Variants in FOXP2 observed in about 807,000 individuals in gnomAD.
The protein encoded by FOXP2 is forkhead box P2.
In FOXP2, 12 loss-of-function variants were observed where a neutral mutation model predicts 115.8. That is an observed-to-expected ratio of 0.10 (90% CI 0.07 to 0.17). The LOEUF (loss-of-function observed/expected upper bound fraction) is 0.17, where lower values mean the gene tolerates loss of function less well. Ranked by LOEUF, FOXP2 falls within the 10% of genes least tolerant of loss-of-function variation. The probability of loss-of-function intolerance (pLI) is 1.00; values close to 1 mark genes in which losing one functional copy is unlikely to be tolerated. For missense variants in FOXP2, 629 were observed against 843.5 expected (o/e 0.75, Z 3.15); for synonymous variants, 328 against 297.7 (o/e 1.10, Z -1.05).
chr7:114,385,514 C>T (rs908720786), intron 2 of FOXP2, among the ~76,000 whole-genome samples: 11 of 152,264 alleles, frequency 7.2e-5, no homozygotes, highest in South Asian at 2.1e-4. Context: ...AGTCGGCCCT[C>T]GGCTTCCCCA....
At chr7:114,626,154 C>T (rs1009420385) in intron 3 of FOXP2, among the ~76,000 whole-genome samples, 3 of 151,724 alleles carry the variant, frequency 2.0e-5, no homozygotes, top group Non-Finnish European at 3.0e-5. Flanking sequence ...TTGAAAGGCA[C>T]TCAAACCATT....
chr7:114,455,735 G>T (rs61433283), intron 2 of FOXP2, among the ~76,000 whole-genome samples: 1 of 152,100 alleles, frequency 6.6e-6, no homozygotes, highest in Admixed American at 6.5e-5. Flanking sequence ...CATTGCTTCA[G>T]AGTGATTCAC....
Position 114,186,947 on chromosome 7 carries a change from G to A in FOXP2, c.-102+23859G>A, listed in dbSNP as rs530165141. On this transcript the variant is annotated intron_variant, in intron 1 of 17. Transcript: ENST00000634411. ...CTTGAGGTGGCTCAGGGTAAGGAAT[G>A]CTGAGGTCCTGCAGGCTCCCTGGGT... Among the ~76,000 whole-genome samples, 6 of 152,308 alleles carry A rather than the reference G, an allele frequency of 3.9e-5. No individual in the cohort carries two copies. In the East Asian group the frequency reaches 1.2e-3, roughly 29 times the overall value.
chr7:114,401,502 T>G (rs1792886310), intron 2 of FOXP2, among the ~76,000 whole-genome samples: 2 of 152,232 alleles, frequency 1.3e-5, no homozygotes, highest in African/African-American at 4.8e-5. Flanking sequence ...CATATATTGC[T>G]TTATTTAAGT....
intron 3 of FOXP2, among the ~76,000 whole-genome samples, chr7:114,624,324 TC>T (rs1163918453): frequency 6.6e-6 from 1 of 151,932 alleles, no homozygotes; most frequent in Non-Finnish European, 1.5e-5. Flanking sequence ...AGTCAGGACT[TC>T]CTTTGTCTTC....
chr7:114,280,125 A>AAAT (rs1562851369), intron 1 of FOXP2, among the ~76,000 whole-genome samples: 4 of 147,014 alleles, frequency 2.7e-5, no homozygotes, highest in East Asian at 2.0e-4. Context: ...AATAAATAAA[A>AAAT]ACAGGTGGTT....
At chr7:114,267,161 G>A (rs1000350285) in intron 1 of FOXP2, among the ~76,000 whole-genome samples, 1 of 152,016 alleles carries the variant, frequency 6.6e-6, no homozygotes, top group Non-Finnish European at 1.5e-5. Flanking sequence ...CATGTACCCT[G>A]TAGACTTACT....
At chr7:114,363,648 T>C (rs533598524) in intron 2 of FOXP2, among the ~76,000 whole-genome samples, 7 of 152,084 alleles carry the variant, frequency 4.6e-5, no homozygotes, top group Admixed American at 6.6e-5. Context: ...AACACAACAA[T>C]TGAGTAAATT....
intron 2 of FOXP2, among the ~76,000 whole-genome samples, chr7:114,441,563 A>G (rs1794609140): frequency 6.6e-6 from 1 of 152,174 alleles, no homozygotes; most frequent in Non-Finnish European, 1.5e-5. Flanking sequence ...CAGTTTATTC[A>G]TTTTATATTC....
intron 1 of FOXP2, among the ~76,000 whole-genome samples, chr7:114,264,099 G>A (rs535589651): frequency 8.8e-4 from 134 of 152,180 alleles, no homozygotes; most frequent in African/African-American, 2.7e-3. Flanking sequence ...CAAGGTGGCT[G>A]TGAGGTCAAA....
chr7:114,207,606 CTACT>C (rs2129161016), intron 1 of FOXP2, among the ~76,000 whole-genome samples: 1 of 152,206 alleles, frequency 6.6e-6, no homozygotes, highest in African/African-American at 2.4e-5. Flanking sequence ...CCTATTGGAC[CTACT>C]TAATTTGTAA....
intron 2 of FOXP2, among the ~76,000 whole-genome samples, chr7:114,519,229 G>A (rs140224918): frequency 2.6e-5 from 4 of 152,220 alleles, no homozygotes; most frequent in African/African-American, 4.8e-5. Flanking sequence ...GTCTAATTTG[G>A]TGTTGGCAGG....
At chr7:114,385,988 C>T (rs1792439537) in intron 2 of FOXP2, among the ~76,000 whole-genome samples, 1 of 152,198 alleles carries the variant, frequency 6.6e-6, no homozygotes, top group Non-Finnish European at 1.5e-5. Context: ...ACCATGGAAC[C>T]CAGTGACTAG....
intron 6 of FOXP2, among the ~76,000 whole-genome samples, chr7:114,634,455 TTCCTC>T (rs1172889153): frequency 7.2e-5 from 11 of 152,042 alleles, no homozygotes; most frequent in Non-Finnish European, 1.5e-4. Context: ...TTTATCTACA[TTCCTC>T]TCTAAAGTTT....
chr7:114,638,365 C>T (rs1805338954), intron 6 of FOXP2, among the ~76,000 whole-genome samples: 1 of 152,102 alleles, frequency 6.6e-6, no homozygotes, highest in Admixed American at 6.6e-5. Flanking sequence ...CCACAGATCT[C>T]TTAGATTAAC....
At chr7:114,297,689 A>T (rs549241671) in intron 2 of FOXP2, among the ~76,000 whole-genome samples, 6 of 152,224 alleles carry the variant, frequency 3.9e-5, no homozygotes, top group African/African-American at 1.4e-4. Flanking sequence ...CATAACTTTG[A>T]CTATTTTTCC....
intron 2 of FOXP2, among the ~76,000 whole-genome samples, chr7:114,332,111 A>G (rs1057299568): frequency 2.0e-5 from 3 of 151,746 alleles, no homozygotes; most frequent in East Asian, 3.9e-4. Flanking sequence ...TGGGCATATG[A>G]ACGTGTGTGT....
At chr7:114,280,985 C>T (rs1468520030) in intron 1 of FOXP2, among the ~76,000 whole-genome samples, 1 of 151,966 alleles carries the variant, frequency 6.6e-6, no homozygotes, top group East Asian at 1.9e-4. Context: ...ATAGTCAACA[C>T]TTAGGGTGTC....
intron 3 of FOXP2, among the ~76,000 whole-genome samples, chr7:114,576,765 C>T (rs1251058702): frequency 1.3e-5 from 2 of 151,804 alleles, no homozygotes; most frequent in African/African-American, 2.4e-5. Context: ...AACTTCTAAC[C>T]GTTTGCTCTA....
Sources: allele counts gnomAD v4.1 joint callset (sites outside exome capture counted in the v4.1 genomes callset), GRCh38; gene constraint gnomAD v4.1.1; transcripts MANE v1.5; gene names NCBI Gene and HGNC (gene_info 2026-07-23, HGNC 2026-07-21).